PCDHGA11: variants seen among roughly 807,000 people sequenced by gnomAD.
The protein encoded by PCDHGA11 is protocadherin gamma-A11.
PCDHGA11 carries 39 observed loss-of-function variants against 60.4 expected under a neutral mutation model. The ratio of observed to expected loss-of-function variants is 0.65; its 90% CI spans 0.50 to 0.84. The LOEUF (loss-of-function observed/expected upper bound fraction) is 0.84, where lower values mean the gene tolerates loss of function less well. PCDHGA11 is among the 40% of genes least tolerant of loss of function. The pLI is 0.00. For missense variants in PCDHGA11, 1,165 were observed against 1,197.7 expected (o/e 0.97, Z 0.40); for synonymous variants, 533 against 510.3 (o/e 1.04, Z -0.60).
chr5:141,457,708 T>C (rs1160977721), intron 1 of PCDHGA11, among the ~76,000 whole-genome samples: 1 of 152,260 alleles, frequency 6.6e-6, no homozygotes, highest in Admixed American at 6.5e-5. Context: ...GATGAAACAC[T>C]GTTCCACAAG....
Position 141,476,562 on chromosome 5 carries a change from C to G in PCDHGA11, c.2434-18245C>G. 1 of 1,614,218 alleles carries G rather than the reference C, an allele frequency of 6.2e-7. No individual in the cohort carries two copies. The highest frequency in any genetic ancestry group is 1.1e-5 in the South Asian group (1 of 91,088). On this transcript the variant is annotated intron_variant, in intron 1 of 3. Transcript: ENST00000398587. This position sits in a 1 kb window ranked among gnomAD's most constrained non-coding sequence, Gnocchi z 7.6. The stretch of plus-strand genomic sequence containing the variant: ...AAATTGGAGATTAGCGAGGCCGTGG[C>G]TCCGGGGACGCGCTTTCCGCTCGAG...
chr5:141,503,960 T>TTC (rs2099834474), intron 2 of PCDHGA11, among the ~76,000 whole-genome samples: 1 of 152,172 alleles, frequency 6.6e-6, no homozygotes, highest in Admixed American at 6.5e-5. Flanking sequence ...CCTACAGCCT[T>TTC]TCCCATGGTG....
chr5:141,425,742 A>T (rs1315830227), intron 1 of PCDHGA11, among the ~76,000 whole-genome samples: 1 of 152,246 alleles, frequency 6.6e-6, no homozygotes, highest in Non-Finnish European at 1.5e-5. Flanking sequence ...GTTTTCCCAC[A>T]AGGTTTTTGT....
Position 141,476,191 on chromosome 5 carries a change from C to T in PCDHGA11, c.2434-18616C>T. The T allele has an allele frequency of 6.2e-7, 1 of 1,613,860 alleles. No homozygotes were observed. The highest frequency in any genetic ancestry group is 8.5e-7 in the Non-Finnish European group (1 of 1,180,006). ...TGGGAGTTTTGCTTCTGCTTGGTGC[C>T]TTGAACAAGGCTTCCACGGTCATTC... On this transcript the variant is annotated intron_variant, in intron 1 of 3. Transcript: ENST00000398587. This position sits in a 1 kb window ranked among gnomAD's most constrained non-coding sequence, Gnocchi z 7.6.
chr5:141,505,324 G>A, intron 2 of PCDHGA11, 69 bp from the exon 3 acceptor site: 2 of 1,607,104 alleles, frequency 1.2e-6, no homozygotes, highest in African/African-American at 1.3e-5. Context: ...GGAGCCCTGG[G>A]AGAGGACAGG....
intron 1 of PCDHGA11, chr5:141,484,949 A>G: frequency 1.8e-6 from 1 of 557,402 alleles, no homozygotes; most frequent in East Asian, 3.1e-5. Flanking sequence ...TGCTCAGCCT[A>G]TTGGCTGAGC....
chr5:141,470,721 AG>A (rs948288535), intron 1 of PCDHGA11, among the ~76,000 whole-genome samples: 2 of 152,098 alleles, frequency 1.3e-5, no homozygotes, highest in African/African-American at 4.8e-5. Flanking sequence ...TTTTTGAGTC[AG>A]GGTCTTGCTC....
chr5:141,480,816 G>A (rs1400500941), intron 1 of PCDHGA11, among the ~76,000 whole-genome samples: 4 of 152,208 alleles, frequency 2.6e-5, no homozygotes, highest in Admixed American at 2.0e-4. Flanking sequence ...GGAGGCTGAG[G>A]TGGGTGGATC....
chr5:141,505,590 A>G, intron 3 of PCDHGA11, 109 bp downstream of exon 3: 1 of 1,571,996 alleles, frequency 6.4e-7, no homozygotes, highest in East Asian at 2.3e-5. Context: ...TAGTTTCTCC[A>G]GATCTTTCGG....
chr5:141,505,341 A>T, intron 2 of PCDHGA11, 52 bp from the exon 3 acceptor site: 1 of 1,612,728 alleles, frequency 6.2e-7, no homozygotes, highest in Non-Finnish European at 8.5e-7. Flanking sequence ...CAGGAGGGGC[A>T]TGAGCTGTGC....
chr5:141,439,652 T>G (rs1047430832), intron 1 of PCDHGA11, among the ~76,000 whole-genome samples: 1 of 152,208 alleles, frequency 6.6e-6, no homozygotes, highest in African/African-American at 2.4e-5. Context: ...GTGGCTTTTC[T>G]AATTTCATGG....
At position 141,487,611 on chromosome 5, in the gene PCDHGA11, T is replaced by C. The variant is rs1215704705; in HGVS notation, c.2434-7196T>C. ...CCACCCTCTGATCTTCTCTATGGGCTAGAGGTGAGACCTTTGCAGGCTCAA... is the reference window on the plus strand; with the variant it reads ...CCACCCTCTGATCTTCTCTATGGGCCAGAGGTGAGACCTTTGCAGGCTCAA... On this transcript the variant is annotated intron_variant, in intron 1 of 3. Transcript: ENST00000398587. This position sits in a 1 kb window ranked among gnomAD's most constrained non-coding sequence, Gnocchi z 5.0. The C allele has an allele frequency of 1.2e-6, 2 of 1,614,206 alleles. No homozygotes were observed. The highest frequency in any genetic ancestry group is 1.7e-6 in the Non-Finnish European group (2 of 1,180,036).
intron 3 of PCDHGA11, among the ~76,000 whole-genome samples, chr5:141,509,045 GC>G (rs1165443091): frequency 6.6e-6 from 1 of 152,060 alleles, no homozygotes; most frequent in Non-Finnish European, 1.5e-5. Context: ...CCTCTCCCCC[GC>G]CCCCAGAAAG....
intron 1 of PCDHGA11, among the ~76,000 whole-genome samples, chr5:141,452,072 G>A (rs550370876): frequency 1.3e-5 from 2 of 152,272 alleles, no homozygotes; most frequent in East Asian, 1.9e-4. Flanking sequence ...ACTTTTATTA[G>A]TTGGCATTAT....
At position 141,486,455 on chromosome 5, in the gene PCDHGA11, T is replaced by G; in HGVS notation, c.2434-8352T>G. On this transcript the variant is annotated intron_variant, in intron 1 of 3. Transcript: ENST00000398587. This position sits in a 1 kb window ranked among gnomAD's most constrained non-coding sequence, Gnocchi z 5.0. Reference sequence around the variant, plus strand: ...TAGCTATGACATCATGGTCACTGCTTCTGATGCTGGGAACCCTCCTCTCAG... The same window carrying G: ...TAGCTATGACATCATGGTCACTGCTGCTGATGCTGGGAACCCTCCTCTCAG... 6.2e-7 allele frequency: 1 copy of G among 1,614,066 alleles called. No homozygotes were observed. Among genetic ancestry groups the G allele is most frequent in the Non-Finnish European group, 8.5e-7 (1 of 1,179,892 alleles).
intron 1 of PCDHGA11, among the ~76,000 whole-genome samples, chr5:141,450,485 TTGTC>T (rs1466269978): frequency 1.3e-5 from 2 of 152,158 alleles, no homozygotes; most frequent in African/African-American, 2.4e-5. Flanking sequence ...GTTTGTTTGT[TTGTC>T]TGTTTGTTTG....
chr5:141,475,705 A>G (rs2099367264), intron 1 of PCDHGA11, among the ~76,000 whole-genome samples: 1 of 152,246 alleles, frequency 6.6e-6, no homozygotes. Flanking sequence ...CAGAACGGCT[A>G]GCCTCACAGC....
Position 141,485,399 on chromosome 5 carries a change from C to T in PCDHGA11, c.2434-9408C>T. On this transcript the variant is annotated intron_variant, in intron 1 of 3. Coordinates refer to ENST00000398587, the MANE Select transcript of PCDHGA11 (RefSeq NM_018914.3). This position sits in a 1 kb window ranked among gnomAD's most constrained non-coding sequence, Gnocchi z 5.7. ...TGGAGAGGTGAACCAAAGACACTTC[C>T]GTGTGGATTTGGACAGCGGAGCCCT... 3 of 1,614,000 alleles carry T rather than the reference C, an allele frequency of 1.9e-6. No homozygotes were observed. The highest frequency in any genetic ancestry group is 2.5e-6 in the Non-Finnish European group (3 of 1,179,922).
chr5:141,483,436 C>T, intron 1 of PCDHGA11, among the ~76,000 whole-genome samples: 1 of 152,198 alleles, frequency 6.6e-6, no homozygotes, highest in Non-Finnish European at 1.5e-5. Context: ...GAGCTGACTA[C>T]AATAAAATCA....
Sources: allele counts gnomAD v4.1 joint callset (sites outside exome capture counted in the v4.1 genomes callset), GRCh38; gene constraint gnomAD v4.1.1; non-coding constraint Gnocchi (gnomAD v3.1); transcripts MANE v1.5; gene names NCBI Gene and HGNC (gene_info 2026-07-23, HGNC 2026-07-21).